GPSM1: variants seen among roughly 807,000 people sequenced by gnomAD.
The protein encoded by GPSM1 is G protein signaling modulator 1.
A neutral mutation model predicts 70.5 loss-of-function variants in GPSM1; 48 were observed. That is an observed-to-expected ratio of 0.68 (90% CI 0.54 to 0.87). The LOEUF is 0.87. GPSM1 is among the 40% of genes least tolerant of loss of function. GPSM1 has a pLI of 0.00. For synonymous variants in GPSM1, 416 were observed against 430.1 expected (o/e 0.97, Z 0.41); for missense variants, 981 against 972.6 (o/e 1.01, Z -0.11).
intron 11 of GPSM1, chr9:136,353,158 G>C (rs1203587170): frequency 1.3e-5 from 13 of 973,126 alleles, no homozygotes; most frequent in Non-Finnish European, 1.6e-5. Context: ...TGATCCGCGT[G>C]AGTCTGGGGT....
intron 11 of GPSM1, among the ~76,000 whole-genome samples, chr9:136,350,613 G>A (rs575377149): frequency 2.6e-5 from 4 of 152,302 alleles, no homozygotes; most frequent in African/African-American, 7.2e-5. Flanking sequence ...CTGGTGAGGG[G>A]ACAGCAAGGG....
rs1305193726 is a variant in GPSM1 at position 136,327,645 on chromosome 9, C to G, written c.-51C>G. The G allele has an allele frequency of 4.5e-5, 25 of 552,068 alleles. No homozygotes were observed. The African/African-American group carries it at 4.7e-4, about 10-fold the overall frequency. The allele number at this position is 552,068 out of a possible 1,614,324, so 34.2% of individuals were successfully genotyped here. The stretch of plus-strand genomic sequence containing the variant: ...GACAGCAGGGCGGGCAGGGGGCGGA[C>G]GGCCACGGCGCGGGGGGCGCTCCCG... On this transcript the variant is annotated 5_prime_UTR_variant, in exon 1 of 14. Transcript: ENST00000440944.
rs898079184 is a variant in GPSM1 at position 136,342,369 on chromosome 9, G to A, written c.1207+1376G>A. On this transcript the variant is annotated intron_variant, in intron 9 of 13. Coordinates refer to ENST00000440944, the MANE Select transcript of GPSM1 (RefSeq NM_001145638.3). This position sits in a 1 kb window ranked among gnomAD's most constrained non-coding sequence, Gnocchi z 5.5. ...GGTCCTCCCGACGTTTTCTTTCTTG[G>A]AGCCAAGGAAAAGGGGGGCCGGAGT... is the stretch of plus-strand genomic sequence containing the variant. Among the ~76,000 whole-genome samples the A allele has an allele frequency of 6.6e-6, 1 of 152,204 alleles. No individual in the cohort carries two copies. The highest frequency in any genetic ancestry group is 2.4e-5 in the African/African-American group (1 of 41,460).
In GPSM1 at chr9:136,352,848, G is replaced by T. The variant is rs73670231; in HGVS notation, c.1456-2842G>T. Among the ~76,000 whole-genome samples the T allele has an allele frequency of 4.3e-3, 654 of 152,382 alleles. 2 individuals carry two copies. The highest frequency in any genetic ancestry group is 0.015 in the African/African-American group (609 of 41,598). On this transcript the variant is annotated intron_variant, in intron 11 of 13. Coordinates refer to ENST00000440944, the MANE Select transcript of GPSM1 (RefSeq NM_001145638.3). The stretch of plus-strand genomic sequence containing the variant: ...GTGTGCCCGCCCACAGGCACGGGGA[G>T]GGGGAGGTTCACTGCTGCACTTGCT...
chr9:136,336,318 C>T (rs186302094), intron 3 of GPSM1, among the ~76,000 whole-genome samples: 18 of 152,252 alleles, frequency 1.2e-4, no homozygotes, highest in African/African-American at 4.3e-4. Context: ...AGGCCCCCAC[C>T]TTCCACCCTC....
rs1832386315 is a variant in GPSM1, at chr9:136,341,335, G to A, written c.1207+342G>A. 2 of 1,438,230 alleles carry A rather than the reference G, an allele frequency of 1.4e-6. No individual in the cohort carries two copies. The highest frequency in any genetic ancestry group is 1.8e-6 in the Non-Finnish European group (2 of 1,101,110). 89.1% of individuals were successfully genotyped at this position (1,438,230 alleles called of 1,614,324 possible). A position where few individuals can be genotyped will look rare whatever the true frequency, so the allele number is the denominator to read the frequency against. ...CTGTCCTCAGACCCAAGTAGGAGAG[G>A]GCTGCTGGGAGGCGAGAGGGCATCA... On this transcript the variant is annotated intron_variant, in intron 9 of 13. Transcript: ENST00000440944. This position sits in a 1 kb window ranked among gnomAD's most constrained non-coding sequence, Gnocchi z 6.7.
At chr9:136,356,011 TC>T (rs1832809776) in intron 12 of GPSM1, among the ~76,000 whole-genome samples, 165 bp downstream of exon 12, 1 of 151,890 alleles carries the variant, frequency 6.6e-6, no homozygotes, top group Non-Finnish European at 1.5e-5. Context: ...CAGAGCAGCA[TC>T]CCGGGAAGCG....
At position 136,348,758 on chromosome 9, in the gene GPSM1, C is replaced by T. The variant is rs142708237; in HGVS notation, c.1269C>T (p.Pro423=). ...AGACCTGGGACCTGCTGAGACTCCC[C>T]CTGGAGCGGGTGAGCCAGGGACACG... ...SAETWDLLRL[P]LEREQNGDSH... is the part of the protein sequence containing the mutation. The change falls in exon 10 of 14, where the codon CCC becomes CCT. Residue 423 remains proline, a synonymous_variant. Coordinates refer to ENST00000440944, the MANE Select transcript of GPSM1 (RefSeq NM_001145638.3). 2.7e-5 allele frequency: 44 copies of T among 1,611,236 alleles called. No individual in the cohort carries two copies. The highest frequency in any genetic ancestry group is 3.6e-5 in the Non-Finnish European group (43 of 1,178,774).
In GPSM1 at chr9:136,343,388, G is replaced by T. The variant is rs1051460685; in HGVS notation, c.1207+2395G>T. ...CCCTGCAGGACCGCCCCCTGCCCTT[G>T]GCCTGTCCCCGATGGCCCTGCCTGT... On this transcript the variant is annotated intron_variant, in intron 9 of 13. Transcript: ENST00000440944. This position sits in a 1 kb window ranked among gnomAD's most constrained non-coding sequence, Gnocchi z 6.0. Among the ~76,000 whole-genome samples, 9 of 152,196 alleles carry T rather than the reference G, an allele frequency of 5.9e-5. No homozygotes were observed. Among genetic ancestry groups the T allele is most frequent in the Non-Finnish European group, 1.0e-4 (7 of 68,024 alleles).
Position 136,341,554 on chromosome 9 carries a change from A to C in GPSM1, c.1207+561A>C. Reference sequence around the variant, plus strand: ...TCCCCTGCAAAGCGAAAAGACTAATAGGTGCCAGGGGGGTGGTGCCAGGTT... The same window carrying C: ...TCCCCTGCAAAGCGAAAAGACTAATCGGTGCCAGGGGGGTGGTGCCAGGTT... On this transcript the variant is annotated intron_variant, in intron 9 of 13. Coordinates refer to ENST00000440944, the MANE Select transcript of GPSM1 (RefSeq NM_001145638.3). This position sits in a 1 kb window ranked among gnomAD's most constrained non-coding sequence, Gnocchi z 6.7. 5 of 1,044,436 alleles carry C rather than the reference A, an allele frequency of 4.8e-6. No homozygotes were observed. The highest frequency in any genetic ancestry group is 4.6e-6 in the Non-Finnish European group (4 of 866,264). 64.7% of individuals were successfully genotyped at this position (1,044,436 alleles called of 1,614,324 possible).
At chr9:136,356,121 T>C (rs540350140) in intron 12 of GPSM1, among the ~76,000 whole-genome samples, 234 of 152,182 alleles carry the variant, frequency 1.5e-3, no homozygotes, top group African/African-American at 5.4e-3. Flanking sequence ...TGTCTCCTCC[T>C]GTCACCCCCT....
intron 13 of GPSM1, 119 bp downstream of exon 13, chr9:136,356,669 G>A (rs1554773252): frequency 1.1e-5 from 8 of 718,062 alleles, no homozygotes; most frequent in Non-Finnish European, 1.9e-5. Flanking sequence ...GGTCATGTTT[G>A]AGGGACTCCT....
intron 9 of GPSM1, among the ~76,000 whole-genome samples, chr9:136,347,859 G>A (rs1363498357): frequency 2.6e-5 from 4 of 152,182 alleles, no homozygotes; most frequent in Non-Finnish European, 4.4e-5. Context: ...AAATCCTTTC[G>A]GGCCCCGCAG....
chr9:136,358,297 G>C lies in GPSM1; in HGVS notation c.*77G>C, dbSNP rs116055529. 28,961 of 1,304,126 alleles carry C rather than the reference G, an allele frequency of 0.022. 480 individuals are homozygous for C. Among genetic ancestry groups the C allele is most frequent in the Middle Eastern group, 0.076 (294 of 3,892 alleles). 80.8% of individuals were successfully genotyped at this position (1,304,126 alleles called of 1,614,324 possible). On this transcript the variant is annotated 3_prime_UTR_variant, in exon 14 of 14. Coordinates refer to ENST00000440944, the MANE Select transcript of GPSM1 (RefSeq NM_001145638.3). Reference sequence around the variant, plus strand: ...CTCACAGTCACAGCCACGTCCTCCCGAGGCCATTGCCGAGGACAGGCACTG... The same window carrying C: ...CTCACAGTCACAGCCACGTCCTCCCCAGGCCATTGCCGAGGACAGGCACTG...
In GPSM1 at chr9:136,356,521, G is replaced by A. The variant is rs782314127; in HGVS notation, c.1792G>A (p.Asp598Asn). 2.0e-5 allele frequency: 33 copies of A among 1,611,482 alleles called. No homozygotes were observed. The East Asian group carries it at 2.2e-4, about 11-fold the overall frequency. ...CGGCGAGCCCCAGGAGCCGGGGGAC[G>A]ACTTCTTCAACATGCTCATCAAGTA... ...GHGEPQEPGD[D>N]FFNMLIKYQS... Residue 598 changes from aspartate to asparagine, a missense_variant, in exon 13 of 14, where the codon GAC becomes AAC. Physicochemically the swap from Asp to Asn is conservative, Grantham distance 23. Coordinates refer to ENST00000440944, the MANE Select transcript of GPSM1 (RefSeq NM_001145638.3).
At chr9:136,350,216 T>C (rs1306934275) in intron 11 of GPSM1, among the ~76,000 whole-genome samples, 1 of 152,248 alleles carries the variant, frequency 6.6e-6, no homozygotes, top group African/African-American at 2.4e-5. Context: ...CTGCCTTCAC[T>C]GTGAGAGCCG....
At chr9:136,345,505 G>A (rs1367745501) in intron 9 of GPSM1, among the ~76,000 whole-genome samples, 6 of 152,230 alleles carry the variant, frequency 3.9e-5, no homozygotes, top group Non-Finnish European at 5.9e-5. Flanking sequence ...GGGGCCAGAC[G>A]CAGGCTGTGT....
chr9:136,343,803 G>A lies in GPSM1; in HGVS notation c.1207+2810G>A, dbSNP rs1832451768. ...CGGGCCCTGGGTGGACGAGGCAGGT[G>A]TGGCTGCAGCACCATCCGCCTGTTC... On this transcript the variant is annotated intron_variant, in intron 9 of 13. Transcript: ENST00000440944. This position sits in a 1 kb window ranked among gnomAD's most constrained non-coding sequence, Gnocchi z 6.0. Among the ~76,000 whole-genome samples, 1 of 152,226 alleles carries A rather than the reference G, an allele frequency of 6.6e-6. No homozygotes were observed. The highest frequency in any genetic ancestry group is 6.5e-5 in the Admixed American group (1 of 15,292).
At chr9:136,330,207 G>C (rs570967240) in intron 1 of GPSM1, among the ~76,000 whole-genome samples, 6 of 152,024 alleles carry the variant, frequency 3.9e-5, no homozygotes, top group Admixed American at 3.9e-4. Flanking sequence ...GCTCCCCGGG[G>C]CTGGGGCCGG....
Sources: allele counts gnomAD v4.1 joint callset (sites outside exome capture counted in the v4.1 genomes callset), GRCh38; gene constraint gnomAD v4.1.1; non-coding constraint Gnocchi (gnomAD v3.1); transcripts MANE v1.5; gene names NCBI Gene and HGNC (gene_info 2026-07-23, HGNC 2026-07-21).